RIT2: variants seen among roughly 807,000 people sequenced by gnomAD.
RIT2 encodes the protein GTP-binding protein Rit2.
Under a neutral mutation model 23.7 loss-of-function variants are expected in RIT2, and 24 were observed. The observed-to-expected ratio is 1.01, with a 90% CI of 0.73 to 1.43. The LOEUF (loss-of-function observed/expected upper bound fraction) is 1.43. Among genes scored for constraint, RIT2 ranks in the 40% most tolerant of loss-of-function variants. The pLI is 0.00. For missense variants in RIT2, 236 were observed against 266.9 expected (o/e 0.88, Z 0.81); for synonymous variants, 107 against 91.1 (o/e 1.17, Z -0.99).
intron 4 of RIT2, among the ~76,000 whole-genome samples, chr18:42,749,137 T>C (rs897005749): frequency 2.0e-5 from 3 of 151,580 alleles, no homozygotes; most frequent in Non-Finnish European, 4.4e-5. Context: ...TACAACATAG[T>C]CCAAAATAAA....
At chr18:43,115,282 C>G (rs933099670) in intron 1 of RIT2, 135 bp downstream of exon 1, 3 of 1,092,528 alleles carry the variant, frequency 2.7e-6, no homozygotes, top group Non-Finnish European at 3.9e-6. Flanking sequence ...TTTGGAGCAT[C>G]CTGCCAGACC....
Position 43,093,661 on chromosome 18 carries a change from G to A in RIT2, c.103+21756C>T, listed in dbSNP as rs570614810. Reference sequence around the variant, plus strand: ...TTTCTTCTGAGTTGAAATTTCCAAAGAGTCAGTTCTCTGTGAGGTCAGTGA... The same window carrying A: ...TTTCTTCTGAGTTGAAATTTCCAAAAAGTCAGTTCTCTGTGAGGTCAGTGA... On this transcript the variant is annotated intron_variant, in intron 1 of 4. Coordinates refer to ENST00000326695, the MANE Select transcript of RIT2 (RefSeq NM_002930.4). Among the ~76,000 whole-genome samples, 7 of 152,054 alleles carry A rather than the reference G, an allele frequency of 4.6e-5. No individual in the cohort carries two copies. The East Asian group carries it at 1.2e-3, about 25-fold the overall frequency.
chr18:42,801,747 TTC>T lies in RIT2; in HGVS notation c.427-58029_427-58028del, dbSNP rs200249277. Among the ~76,000 whole-genome samples the T allele has an allele frequency of 4.6e-3, 699 of 152,328 alleles. 6 individuals carry two copies. The highest frequency in any genetic ancestry group is 0.016 in the African/African-American group (662 of 41,572). ...ATTACTGATGACTGTCATTCTTTCT[TTC>T]TTTCTTTCATACCCATCTCCTGAGT... is the stretch of plus-strand genomic sequence containing the variant. On this transcript the variant is annotated intron_variant, in intron 4 of 4. Transcript: ENST00000326695.
intron 3 of RIT2, among the ~76,000 whole-genome samples, chr18:42,954,263 G>T (rs1178432929): frequency 6.6e-6 from 1 of 151,168 alleles, no homozygotes; most frequent in Non-Finnish European, 1.5e-5. Context: ...TGTAATCCCG[G>T]CTACTTGGGA....
intron 4 of RIT2, among the ~76,000 whole-genome samples, chr18:42,919,269 G>C (rs1598714533): frequency 6.6e-6 from 1 of 152,166 alleles, no homozygotes; most frequent in East Asian, 1.9e-4. Flanking sequence ...TATCACTAAA[G>C]AATAAATAAA....
chr18:43,112,836 G>T (rs1913985624), intron 1 of RIT2, among the ~76,000 whole-genome samples: 1 of 152,130 alleles, frequency 6.6e-6, no homozygotes, highest in African/African-American at 2.4e-5. Context: ...TTTAATTCAT[G>T]TTTAAGGCTG....
intron 4 of RIT2, among the ~76,000 whole-genome samples, chr18:42,790,604 T>C (rs1914021304): frequency 6.6e-6 from 1 of 152,198 alleles, no homozygotes; most frequent in Admixed American, 6.5e-5. Context: ...AATTTTTGTA[T>C]TTTTAGTAGA....
At chr18:42,947,872 C>G (rs1290838600) in intron 3 of RIT2, among the ~76,000 whole-genome samples, 1 of 152,036 alleles carries the variant, frequency 6.6e-6, no homozygotes, top group Non-Finnish European at 1.5e-5. Flanking sequence ...TATGTTTCTT[C>G]CCCTAGAGAG....
chr18:42,988,430 T>C (rs1437099765), intron 2 of RIT2, among the ~76,000 whole-genome samples: 2 of 152,200 alleles, frequency 1.3e-5, no homozygotes, highest in Non-Finnish European at 2.9e-5. Context: ...AGATAATTAG[T>C]CTTCATATTG....
At chr18:43,038,870 T>C (rs1238724073) in intron 1 of RIT2, among the ~76,000 whole-genome samples, 1 of 152,166 alleles carries the variant, frequency 6.6e-6, no homozygotes, top group East Asian at 1.9e-4. Context: ...TCAAGGGTGT[T>C]GTCTTCTCTC....
At chr18:42,852,668 A>C (rs1327746245) in intron 4 of RIT2, among the ~76,000 whole-genome samples, 1 of 151,976 alleles carries the variant, frequency 6.6e-6, no homozygotes, top group Non-Finnish European at 1.5e-5. Flanking sequence ...TAACTTTGTC[A>C]CCTCTGCCTT....
chr18:42,895,892 A>G (rs773753211), intron 4 of RIT2, among the ~76,000 whole-genome samples: 8 of 152,240 alleles, frequency 5.3e-5, no homozygotes, highest in African/African-American at 9.6e-5. Context: ...TCAAACTGAT[A>G]ACAGTGGTTT....
At chr18:43,049,637 T>A (rs996800681) in intron 1 of RIT2, among the ~76,000 whole-genome samples, 3 of 152,120 alleles carry the variant, frequency 2.0e-5, no homozygotes, top group African/African-American at 7.2e-5. Flanking sequence ...ACTCTAACCT[T>A]GGGGAGAATT....
chr18:43,103,054 T>C (rs1355157275), intron 1 of RIT2, among the ~76,000 whole-genome samples: 1 of 152,200 alleles, frequency 6.6e-6, no homozygotes, highest in Non-Finnish European at 1.5e-5. Flanking sequence ...TCCTAAACAC[T>C]GTGTGGGCTT....
At chr18:42,912,072 A>G (rs1300471280) in intron 4 of RIT2, among the ~76,000 whole-genome samples, 1 of 151,814 alleles carries the variant, frequency 6.6e-6, no homozygotes, top group Non-Finnish European at 1.5e-5. Context: ...AAAAATATAT[A>G]TGTATAATAA....
At chr18:42,836,782 G>A (rs1300738958) in intron 4 of RIT2, among the ~76,000 whole-genome samples, 1 of 152,120 alleles carries the variant, frequency 6.6e-6, no homozygotes, top group Non-Finnish European at 1.5e-5. Context: ...TCTCCCTTCA[G>A]AAGGAAAAGA....
chr18:42,755,783 T>A (rs1200893958), intron 4 of RIT2, among the ~76,000 whole-genome samples: 1 of 152,142 alleles, frequency 6.6e-6, no homozygotes, highest in Non-Finnish European at 1.5e-5. Context: ...GAGTTGGTTG[T>A]CGATTTAGAC....
chr18:42,994,134 C>A (rs927708713), intron 2 of RIT2, among the ~76,000 whole-genome samples: 2 of 152,104 alleles, frequency 1.3e-5, no homozygotes, highest in African/African-American at 2.4e-5. Flanking sequence ...CTCAAACATG[C>A]TTTCTTTACT....
intron 2 of RIT2, among the ~76,000 whole-genome samples, chr18:43,000,302 A>T (rs1292733432): frequency 6.6e-6 from 1 of 152,048 alleles, no homozygotes. Context: ...ATACATGTTC[A>T]TATAGGAAGA....
Sources: gnomAD v4.1 joint callset for allele counts (sites outside exome capture counted in the v4.1 genomes callset) on GRCh38, gnomAD v4.1.1 for gene constraint, MANE v1.5 for transcripts, NCBI Gene and HGNC (gene_info 2026-07-23, HGNC 2026-07-21) for gene names.